BMPR1A: variants seen among roughly 807,000 people sequenced by gnomAD.
BMPR1A encodes bone morphogenetic protein receptor type-1A.
In BMPR1A, 7 loss-of-function variants were observed where a neutral mutation model predicts 66.0. The observed-to-expected ratio is 0.11, with a 90% confidence interval of 0.06 to 0.20. The LOEUF is 0.20. BMPR1A is among the 10% of genes least tolerant of loss of function. BMPR1A has a pLI of 1.00. For synonymous variants in BMPR1A, 200 were observed against 229.7 expected (o/e 0.87, Z 1.17); for missense variants, 408 against 669.1 (o/e 0.61, Z 4.31).
chr10:86,765,253 C>T (rs771182692), intron 1 of BMPR1A, among the ~76,000 whole-genome samples: 11 of 151,842 alleles, frequency 7.2e-5, no homozygotes, highest in African/African-American at 9.7e-5. Flanking sequence ...TTTGGGAGGC[C>T]GAGGCGGGAG....
chr10:86,815,785 C>CT (rs1842029158), intron 1 of BMPR1A, among the ~76,000 whole-genome samples: 1 of 152,208 alleles, frequency 6.6e-6, no homozygotes, highest in South Asian at 2.1e-4. Context: ...TCTAGGTCTT[C>CT]TTTAGTCCCA....
chr10:86,911,691 A>G (rs540298817), intron 7 of BMPR1A, among the ~76,000 whole-genome samples: 2 of 152,322 alleles, frequency 1.3e-5, no homozygotes, highest in South Asian at 2.1e-4. Flanking sequence ...CAGAGGTTGC[A>G]GTGAACTGAG....
intron 3 of BMPR1A, 63 bp downstream of exon 3, chr10:86,876,148 G>A: frequency 6.8e-7 from 1 of 1,479,922 alleles, no homozygotes; most frequent in Non-Finnish European, 9.4e-7. Context: ...TCTTGCTTCT[G>A]TTCTTTCAAC....
At chr10:86,781,952 C>T (rs1841444462) in intron 1 of BMPR1A, among the ~76,000 whole-genome samples, 1 of 150,858 alleles carries the variant, frequency 6.6e-6, no homozygotes, top group African/African-American at 2.4e-5. Context: ...CTGCAACCCC[C>T]GCCTCCCAGG....
At chr10:86,793,394 G>A (rs1023964663) in intron 1 of BMPR1A, among the ~76,000 whole-genome samples, 5 of 146,636 alleles carry the variant, frequency 3.4e-5, no homozygotes, top group African/African-American at 7.6e-5. Flanking sequence ...ATGGAGTTTC[G>A]CTGTTGTTGC....
At chr10:86,860,348 T>C (rs1589750241) in intron 2 of BMPR1A, among the ~76,000 whole-genome samples, 1 of 152,296 alleles carries the variant, frequency 6.6e-6, no homozygotes, top group Middle Eastern at 3.4e-3. Flanking sequence ...CTGTAGAAAG[T>C]TTAACAATAT....
At chr10:86,850,567 C>T (rs554303576) in intron 2 of BMPR1A, among the ~76,000 whole-genome samples, 1 of 152,300 alleles carries the variant, frequency 6.6e-6, no homozygotes, top group African/African-American at 2.4e-5. Context: ...AGATTGGCTA[C>T]TTAAACCCAT....
At chr10:86,916,864 G>A (rs1843577545) in intron 8 of BMPR1A, among the ~76,000 whole-genome samples, 2 of 151,972 alleles carry the variant, frequency 1.3e-5, no homozygotes, top group Admixed American at 1.3e-4. Flanking sequence ...ATGGTGGCGG[G>A]TGTCTGTAAT....
intron 3 of BMPR1A, 133 bp from the exon 4 acceptor site, chr10:86,889,929 A>G: frequency 1.0e-6 from 1 of 973,162 alleles, no homozygotes; most frequent in South Asian, 1.6e-5. Flanking sequence ...AATGAAATTT[A>G]TATTTCTAAA....
At chr10:86,807,407 A>ATC (rs1170327444) in intron 1 of BMPR1A, among the ~76,000 whole-genome samples, 3 of 152,078 alleles carry the variant, frequency 2.0e-5, no homozygotes, top group African/African-American at 7.2e-5. Flanking sequence ...CTGACACAGA[A>ATC]TCTCTCTCTC....
rs545219676 is a variant in BMPR1A, at chr10:86,764,224, T to G, written c.-268+7305T>G. On this transcript the variant is annotated intron_variant, in intron 1 of 12. Transcript: ENST00000372037. ...TGTTTTAAATTTGTATATAAGAATGTTTTAGATTCCTGGCTAAAAGAAGCT... is the reference window on the plus strand; with the variant it reads ...TGTTTTAAATTTGTATATAAGAATGGTTTAGATTCCTGGCTAAAAGAAGCT... 1.1e-3 allele frequency among the ~76,000 whole-genome samples: 166 copies of G among 150,672 alleles called. 1 individual carries two copies. The highest frequency in any genetic ancestry group is 4.3e-4 in the Non-Finnish European group (29 of 67,864).
At chr10:86,907,525 C>T (rs1231612106) in intron 7 of BMPR1A, among the ~76,000 whole-genome samples, 3 of 151,814 alleles carry the variant, frequency 2.0e-5, no homozygotes, top group African/African-American at 7.3e-5. Flanking sequence ...CCTGTTCATT[C>T]CCCTGTGTTT....
At chr10:86,797,127 CG>C in intron 1 of BMPR1A, among the ~76,000 whole-genome samples, 1 of 145,124 alleles carries the variant, frequency 6.9e-6, no homozygotes, top group Non-Finnish European at 1.5e-5. Flanking sequence ...TGCAGTGGCG[CG>C]ATCTCTGCTC....
At chr10:86,760,224 TTTTCTTTCTTTCTTTC>T (rs578087418) in intron 1 of BMPR1A, among the ~76,000 whole-genome samples, 6 of 89,450 alleles carry the variant, frequency 6.7e-5, no homozygotes, top group Non-Finnish European at 1.0e-4. Flanking sequence ...CCTTATTGTT[TTTTCTTTCTTTCTTTC>T]TTTCTTTCTT....
At chr10:86,769,710 C>G (rs1463113988) in intron 1 of BMPR1A, among the ~76,000 whole-genome samples, 1 of 152,164 alleles carries the variant, frequency 6.6e-6, no homozygotes, top group Non-Finnish European at 1.5e-5. Flanking sequence ...GAGTGTCCTT[C>G]CCTTAGAAAC....
intron 3 of BMPR1A, among the ~76,000 whole-genome samples, chr10:86,884,225 C>T (rs1843033810): frequency 1.3e-5 from 2 of 151,700 alleles, no homozygotes; most frequent in Admixed American, 6.6e-5. Context: ...CCTGGAACTA[C>T]AGGTGTGCTC....
At chr10:86,762,358 A>AT (rs924512683) in intron 1 of BMPR1A, among the ~76,000 whole-genome samples, 1 of 151,970 alleles carries the variant, frequency 6.6e-6, no homozygotes, top group East Asian at 1.9e-4. Flanking sequence ...AGCATTGAGA[A>AT]TTTTTTTTCT....
At chr10:86,900,195 C>A in intron 7 of BMPR1A, 69 bp downstream of exon 7, 1 of 1,453,954 alleles carries the variant, frequency 6.9e-7, no homozygotes. Flanking sequence ...GTTTGTAAAG[C>A]CAGTTGCAGA....
At chr10:86,771,250 C>G (rs1232004680) in intron 1 of BMPR1A, among the ~76,000 whole-genome samples, 2 of 152,136 alleles carry the variant, frequency 1.3e-5, no homozygotes, top group Non-Finnish European at 2.9e-5. Context: ...AAAAGAAACA[C>G]TAATTCAATA....
Sources: gnomAD v4.1 joint callset for allele counts (sites outside exome capture counted in the v4.1 genomes callset) on GRCh38, gnomAD v4.1.1 for gene constraint, MANE v1.5 for transcripts, NCBI Gene and HGNC (gene_info 2026-07-23, HGNC 2026-07-21) for gene names.